Variants in HMCN2 observed in about 807,000 individuals in gnomAD.
HMCN2 encodes hemicentin 2.
A neutral mutation model predicts 377.5 loss-of-function variants in HMCN2; 325 were observed. The observed-to-expected ratio is 0.86, with a 90% confidence interval of 0.79 to 0.94. HMCN2 has a LOEUF of 0.94. HMCN2 is among the 40% of genes least tolerant of loss of function. HMCN2 has a pLI of 0.00. For missense variants in HMCN2, 4,543 were observed against 4,725.3 expected (o/e 0.96, Z 1.13); for synonymous variants, 2,007 against 2,046.8 (o/e 0.98, Z 0.53).
chr9:130,360,656 T>C lies in HMCN2; in HGVS notation c.5950+52T>C. On this transcript the variant is annotated intron_variant, in intron 38 of 97. Transcript: ENST00000683500. This position sits in a 1 kb window ranked among gnomAD's most constrained non-coding sequence, Gnocchi z 4.7. The stretch of plus-strand genomic sequence containing the variant: ...CCTTGTCCAAAAAGTTGTCTTTTCA[T>C]TCATTTGTCTATTAGTCTGTCCATC... The C allele has an allele frequency of 8.6e-7, 1 of 1,158,332 alleles. No individual in the cohort carries two copies. Among genetic ancestry groups the C allele is most frequent in the Non-Finnish European group, 1.1e-6 (1 of 879,206 alleles). The allele number at this position is 1,158,332 out of a possible 1,614,324, so 71.8% of individuals were successfully genotyped here. A position where few individuals can be genotyped will look rare whatever the true frequency, so the allele number is the denominator to read the frequency against.
chr9:130,325,375 C>T (rs1392224187), intron 19 of HMCN2, among the ~76,000 whole-genome samples: 4 of 152,204 alleles, frequency 2.6e-5, no homozygotes, highest in Admixed American at 1.3e-4. Context: ...GGATTACAGG[C>T]ATGAGCCACC....
At chr9:130,412,338 T>C (rs1843467834) in intron 85 of HMCN2, among the ~76,000 whole-genome samples, 1 of 152,202 alleles carries the variant, frequency 6.6e-6, no homozygotes. Flanking sequence ...TTACATAGCA[T>C]GGATATAGCC....
At chr9:130,317,956 G>A (rs1837653260) in intron 15 of HMCN2, among the ~76,000 whole-genome samples, 1 of 152,070 alleles carries the variant, frequency 6.6e-6, no homozygotes, top group South Asian at 2.1e-4. Flanking sequence ...GGTGCAGCTG[G>A]GGAAGGTAGG....
intron 1 of HMCN2, among the ~76,000 whole-genome samples, chr9:130,267,435 A>AAC (rs36122739): frequency 0.021 from 3,123 of 145,846 alleles, 39 homozygotes; most frequent in Non-Finnish European, 0.03. Flanking sequence ...CCCCAAATAA[A>AAC]ACACACACAC....
At chr9:130,283,157 C>T (rs1162720540) in intron 1 of HMCN2, among the ~76,000 whole-genome samples, 6 of 152,138 alleles carry the variant, frequency 3.9e-5, no homozygotes, top group Non-Finnish European at 2.9e-5. Context: ...CACGACCTTA[C>T]ACAATCCCCA....
At chr9:130,417,538 CAAAA>C (rs869110055) in intron 85 of HMCN2, among the ~76,000 whole-genome samples, 1 of 36,612 alleles carries the variant, frequency 2.7e-5, no homozygotes, top group African/African-American at 1.2e-4. Flanking sequence ...AAAAAAAAAA[CAAAA>C]AAAAACGAGA....
At chr9:130,276,455 A>G (rs1270131034) in intron 1 of HMCN2, among the ~76,000 whole-genome samples, 2 of 152,178 alleles carry the variant, frequency 1.3e-5, no homozygotes, top group Non-Finnish European at 2.9e-5. Flanking sequence ...AGCAGAAACA[A>G]TGGCTGTGAG....
At chr9:130,339,285 C>T (rs886896330) in intron 23 of HMCN2, among the ~76,000 whole-genome samples, 1 of 152,226 alleles carries the variant, frequency 6.6e-6, no homozygotes, top group African/African-American at 2.4e-5. Flanking sequence ...CTGCTTTACC[C>T]TCTGACGGCA....
chr9:130,424,652 T>C, intron 87 of HMCN2, 124 bp from the exon 88 acceptor site: 1 of 987,202 alleles, frequency 1.0e-6, no homozygotes, highest in South Asian at 3.3e-5. Flanking sequence ...AGGCTGAGTA[T>C]GGACATCAAG....
intron 4 of HMCN2, among the ~76,000 whole-genome samples, chr9:130,291,461 C>T (rs181482373): frequency 7.2e-5 from 11 of 152,308 alleles, no homozygotes; most frequent in East Asian, 5.8e-4. Context: ...CCGCCTGCCT[C>T]GGCCTCCCAA....
chr9:130,340,069 C>G lies in HMCN2; in HGVS notation c.3488-1042C>G, dbSNP rs1403334219. On this transcript the variant is annotated intron_variant, in intron 23 of 97. Coordinates refer to ENST00000683500, the MANE Select transcript of HMCN2 (RefSeq NM_001291815.2). ...GGGCGACTCTGGCCAAGTCATATAA[C>G]CTTTCTGAGACTCAGTTTCCCCCTC... Among the ~76,000 whole-genome samples the G allele has an allele frequency of 3.9e-5, 6 of 152,232 alleles. 1 individual carries two copies. Among genetic ancestry groups the G allele is most frequent in the African/African-American group, 1.4e-4 (6 of 41,462 alleles).
At chr9:130,402,149 A>T (rs1224475706) in intron 77 of HMCN2, among the ~76,000 whole-genome samples, 1 of 152,254 alleles carries the variant, frequency 6.6e-6, no homozygotes, top group African/African-American at 2.4e-5. Flanking sequence ...CAACAAGTGA[A>T]ACAAACCACA....
rs1844940359 is a variant in HMCN2 at position 130,434,063 on chromosome 9, C to A, written c.*370C>A. On this transcript the variant is annotated 3_prime_UTR_variant, in exon 98 of 98. Coordinates refer to ENST00000683500, the MANE Select transcript of HMCN2 (RefSeq NM_001291815.2). Reference sequence around the variant, plus strand: ...AGGGGTGGCAGCAGCTGTCGCCCGGCCACACCTGGTGGTGTCATTCTGAAC... The same window carrying A: ...AGGGGTGGCAGCAGCTGTCGCCCGGACACACCTGGTGGTGTCATTCTGAAC... The A allele has an allele frequency of 1.8e-5, 4 of 221,732 alleles. No individual in the cohort carries two copies. The East Asian group carries it at 3.8e-4, about 21-fold the overall frequency. 13.7% of individuals were successfully genotyped at this position (221,732 alleles called of 1,614,324 possible).
At chr9:130,335,960 A>G (rs1262589723) in intron 22 of HMCN2, among the ~76,000 whole-genome samples, 2 of 152,186 alleles carry the variant, frequency 1.3e-5, no homozygotes, top group African/African-American at 4.8e-5. Context: ...GGGCCTGAGA[A>G]TCAGCATGTT....
At chr9:130,305,120 T>A in intron 11 of HMCN2, 118 bp downstream of exon 11, 1 of 374,918 alleles carries the variant, frequency 2.7e-6, no homozygotes, top group South Asian at 2.0e-5. Flanking sequence ...AATAGCAGCC[T>A]TTTCAGTGTT....
At chr9:130,403,462 G>A in intron 79 of HMCN2, 134 bp downstream of exon 79, 1 of 1,011,818 alleles carries the variant, frequency 9.9e-7, no homozygotes, top group Non-Finnish European at 1.3e-6. Context: ...GGCCTGCCCA[G>A]ATACGCCCCC....
At chr9:130,290,862 G>GAA (rs34729181) in intron 4 of HMCN2, among the ~76,000 whole-genome samples, 49 of 121,170 alleles carry the variant, frequency 4.0e-4, no homozygotes, top group African/African-American at 1.2e-3. Flanking sequence ...AGCTCAGTCT[G>GAA]AAAAAAAAAA....
At chr9:130,388,666 C>T (rs1026165047) in intron 62 of HMCN2, 126 bp downstream of exon 62, 13 of 479,848 alleles carry the variant, frequency 2.7e-5, no homozygotes, top group South Asian at 1.0e-4. Flanking sequence ...CTGGCAGTGC[C>T]GTGTTGCCCC....
At chr9:130,283,151 A>G (rs1417150719) in intron 1 of HMCN2, among the ~76,000 whole-genome samples, 1 of 152,010 alleles carries the variant, frequency 6.6e-6, no homozygotes, top group African/African-American at 2.4e-5. Context: ...TGTCCACACG[A>G]CCTTACACAA....
Sources: gnomAD v4.1 joint callset for allele counts (sites outside exome capture counted in the v4.1 genomes callset) on GRCh38, gnomAD v4.1.1 for gene constraint, Gnocchi (gnomAD v3.1) non-coding constraint, MANE v1.5 for transcripts, NCBI Gene and HGNC (gene_info 2026-07-23, HGNC 2026-07-21) for gene names.